GALNTL6: variants seen among roughly 807,000 people sequenced by gnomAD.
The protein encoded by GALNTL6 is polypeptide N-acetylgalactosaminyltransferase like 6.
Under a neutral mutation model 73.7 loss-of-function variants are expected in GALNTL6, and 46 were observed. That is an observed-to-expected ratio of 0.62 (90% CI 0.49 to 0.80). The LOEUF (loss-of-function observed/expected upper bound fraction) is 0.80. GALNTL6 is among the 30% of genes least tolerant of loss of function. GALNTL6 has a pLI of 0.00. For synonymous variants in GALNTL6, 259 were observed against 263.7 expected (o/e 0.98, Z 0.17); for missense variants, 604 against 755.0 (o/e 0.80, Z 2.34).
At chr4:172,923,979 G>C (rs1164649043) in intron 8 of GALNTL6, among the ~76,000 whole-genome samples, 3 of 152,144 alleles carry the variant, frequency 2.0e-5, no homozygotes. Context: ...TGTGGGGACA[G>C]AGCAGAACCA....
chr4:172,845,824 A>G (rs541341453), intron 7 of GALNTL6, among the ~76,000 whole-genome samples: 1 of 152,322 alleles, frequency 6.6e-6, no homozygotes, highest in Non-Finnish European at 1.5e-5. Flanking sequence ...TGAGGCAGGT[A>G]AGTTCCTAAT....
rs768499424 is a variant in GALNTL6 at position 173,040,311 on chromosome 4, G to A, written c.*211G>A. The A allele has an allele frequency of 6.5e-5, 34 of 524,344 alleles. No homozygotes were observed. The South Asian group carries it at 6.7e-4, about 10-fold the overall frequency. The allele number at this position is 524,344 out of a possible 1,614,324, so 32.5% of individuals were successfully genotyped here. On this transcript the variant is annotated 3_prime_UTR_variant, in exon 13 of 13. Transcript: ENST00000506823. ...TCTCACCAGCTGCTTCTGAGAACTC[G>A]AGACTAGCAGTTCCCTTGCTGGCCA... is the stretch of plus-strand genomic sequence containing the variant.
At chr4:171,962,533 T>C (rs1389570446) in intron 2 of GALNTL6, among the ~76,000 whole-genome samples, 1 of 152,054 alleles carries the variant, frequency 6.6e-6, no homozygotes, top group Non-Finnish European at 1.5e-5. Context: ...AGTTTACAAA[T>C]GTCACGGCAA....
chr4:172,414,347 A>G (rs900901981), intron 5 of GALNTL6, among the ~76,000 whole-genome samples: 3 of 152,152 alleles, frequency 2.0e-5, no homozygotes, highest in Non-Finnish European at 4.4e-5. Flanking sequence ...CAAATTCCAC[A>G]TATTTCCAAC....
In GALNTL6 at chr4:173,040,421, G is replaced by C. The variant is rs553204245; in HGVS notation, c.*321G>C. ...TTCTCAGGTCAAATCCTGCAGTAGTGAGTAGCTATGAATGGATCCTATTAA... is the reference window on the plus strand; with the variant it reads ...TTCTCAGGTCAAATCCTGCAGTAGTCAGTAGCTATGAATGGATCCTATTAA... On this transcript the variant is annotated 3_prime_UTR_variant, in exon 13 of 13. Transcript: ENST00000506823. 6 of 288,318 alleles carry C rather than the reference G, an allele frequency of 2.1e-5. No individual in the cohort carries two copies. Among genetic ancestry groups the C allele is most frequent in the Non-Finnish European group, 3.3e-5 (5 of 153,390 alleles). The allele number at this position is 288,318 out of a possible 1,614,324, so 17.9% of individuals were successfully genotyped here. A position where few individuals can be genotyped will look rare whatever the true frequency, so the allele number is the denominator to read the frequency against.
chr4:172,850,467 A>G (rs1211982710), intron 7 of GALNTL6, among the ~76,000 whole-genome samples: 1 of 152,144 alleles, frequency 6.6e-6, no homozygotes, highest in Non-Finnish European at 1.5e-5. Flanking sequence ...GGAAAAACAA[A>G]CTGTTTTTTC....
In GALNTL6 at chr4:171,991,400, T is replaced by C. The variant is rs115655640; in HGVS notation, c.138+176682T>C. On this transcript the variant is annotated intron_variant, in intron 2 of 12. Coordinates refer to ENST00000506823, the MANE Select transcript of GALNTL6 (RefSeq NM_001034845.3). Reference sequence around the variant, plus strand: ...AATCAAAACCATATCAAGATTTTTTTCTGTGGTGATTTTTTAAAACTTAAT... The same window carrying C: ...AATCAAAACCATATCAAGATTTTTTCCTGTGGTGATTTTTTAAAACTTAAT... 8.9e-3 allele frequency among the ~76,000 whole-genome samples: 1,354 copies of C among 152,202 alleles called. 11 individuals are homozygous for C. Among genetic ancestry groups the C allele is most frequent in the Non-Finnish European group, 0.014 (974 of 67,958 alleles).
chr4:172,799,625 G>C (rs1371732343), intron 5 of GALNTL6, among the ~76,000 whole-genome samples: 1 of 152,124 alleles, frequency 6.6e-6, no homozygotes, highest in Non-Finnish European at 1.5e-5. Flanking sequence ...AGAGTCAAAA[G>C]GACGTTAAAA....
intron 4 of GALNTL6, among the ~76,000 whole-genome samples, chr4:172,312,218 A>T (rs1331032983): frequency 6.6e-6 from 1 of 152,208 alleles, no homozygotes; most frequent in Non-Finnish European, 1.5e-5. Context: ...AGTGATAAGT[A>T]GTGATTGCTG....
intron 2 of GALNTL6, among the ~76,000 whole-genome samples, chr4:172,187,918 T>C (rs1408716587): frequency 6.6e-6 from 1 of 152,178 alleles, no homozygotes; most frequent in Non-Finnish European, 1.5e-5. Context: ...CAAGACACAA[T>C]GTCAAGTACT....
At chr4:172,917,156 C>T (rs541153408) in intron 8 of GALNTL6, among the ~76,000 whole-genome samples, 1 of 152,318 alleles carries the variant, frequency 6.6e-6, no homozygotes, top group Non-Finnish European at 1.5e-5. Context: ...GAAAGGATTC[C>T]CTATTTAATA....
At chr4:172,154,305 T>C (rs892362295) in intron 2 of GALNTL6, among the ~76,000 whole-genome samples, 8 of 152,268 alleles carry the variant, frequency 5.3e-5, no homozygotes, top group African/African-American at 1.9e-4. Context: ...CGATCTCCGC[T>C]CACCACAACC....
intron 2 of GALNTL6, among the ~76,000 whole-genome samples, chr4:172,173,222 T>G (rs1398356509): frequency 6.6e-6 from 1 of 152,230 alleles, no homozygotes; most frequent in Non-Finnish European, 1.5e-5. Context: ...ATGTTTCAGT[T>G]ATTTTCCTCA....
intron 5 of GALNTL6, among the ~76,000 whole-genome samples, chr4:172,484,055 A>G (rs541453637): frequency 2.6e-4 from 39 of 152,304 alleles, no homozygotes; most frequent in Admixed American, 2.4e-3. Flanking sequence ...TAAGGAAGAA[A>G]GAGGCAGATG....
chr4:172,521,986 G>A (rs750432708), intron 5 of GALNTL6, among the ~76,000 whole-genome samples: 3 of 151,948 alleles, frequency 2.0e-5, no homozygotes, highest in Non-Finnish European at 4.4e-5. Context: ...CCCCCCAAAA[G>A]GACTGAAATT....
At chr4:172,008,962 C>T (rs1740919255) in intron 2 of GALNTL6, among the ~76,000 whole-genome samples, 1 of 151,830 alleles carries the variant, frequency 6.6e-6, no homozygotes, top group East Asian at 1.9e-4. Context: ...TAACTATTTG[C>T]TGAAAAAGGA....
At chr4:172,420,233 G>A (rs1731003489) in intron 5 of GALNTL6, among the ~76,000 whole-genome samples, 1 of 152,178 alleles carries the variant, frequency 6.6e-6, no homozygotes, top group South Asian at 2.1e-4. Context: ...TGAATATCGT[G>A]ATAACGAGGG....
chr4:172,427,286 A>G (rs1184880715), intron 5 of GALNTL6, among the ~76,000 whole-genome samples: 1 of 152,172 alleles, frequency 6.6e-6, no homozygotes, highest in African/African-American at 2.4e-5. Flanking sequence ...ATGTGGAACA[A>G]AGTCACATCT....
chr4:172,565,113 C>T (rs140744561), intron 5 of GALNTL6, among the ~76,000 whole-genome samples: 29 of 152,270 alleles, frequency 1.9e-4, no homozygotes, highest in African/African-American at 6.7e-4. Flanking sequence ...AAGGCAATTC[C>T]TTTCAACCTC....
Sources: gnomAD v4.1 joint callset for allele counts (sites outside exome capture counted in the v4.1 genomes callset) on GRCh38, gnomAD v4.1.1 for gene constraint, MANE v1.5 for transcripts, NCBI Gene and HGNC (gene_info 2026-07-23, HGNC 2026-07-21) for gene names.